The following WDR70 variants were observed in gnomAD, a reference collection of about 807,000 sequenced individuals.
WDR70 encodes WD repeat domain 70, also known as WD repeat-containing protein 70.
Under a neutral mutation model 88.6 loss-of-function variants are expected in WDR70, and 53 were observed. The ratio of observed to expected loss-of-function variants is 0.60; its 90% confidence interval spans 0.48 to 0.75. The LOEUF (loss-of-function observed/expected upper bound fraction) is 0.75, where lower values mean the gene tolerates loss of function less well. Ranked by LOEUF, WDR70 falls within the 30% of genes least tolerant of loss-of-function variation. The pLI is 0.00. For missense variants in WDR70, 610 were observed against 823.2 expected, an observed-to-expected ratio of 0.74 and a Z score of 3.17; for synonymous variants, 280 against 270.0, an observed-to-expected ratio of 1.04 and a Z score of -0.36.
intron 10 of WDR70, among the ~76,000 whole-genome samples, chr5:37,639,438 CT>C (rs919492980): frequency 6.6e-6 from 1 of 152,210 alleles, no homozygotes; most frequent in Non-Finnish European, 1.5e-5. Flanking sequence ...TCTCTAAATA[CT>C]TTTCCTGTCT....
At chr5:37,665,806 C>G (rs1373338227) in intron 10 of WDR70, among the ~76,000 whole-genome samples, 1 of 152,206 alleles carries the variant, frequency 6.6e-6, no homozygotes, top group African/African-American at 2.4e-5. Flanking sequence ...ATTGTACTCC[C>G]TTTGGAAGCT....
intron 13 of WDR70, among the ~76,000 whole-genome samples, chr5:37,707,194 G>C (rs917224065): frequency 1.3e-5 from 2 of 152,106 alleles, no homozygotes; most frequent in Non-Finnish European, 2.9e-5. Flanking sequence ...AAGGGACATG[G>C]TTTATGCAAT....
At chr5:37,736,550 G>T (rs1195804582) in intron 17 of WDR70, among the ~76,000 whole-genome samples, 2 of 151,286 alleles carry the variant, frequency 1.3e-5, no homozygotes, top group Non-Finnish European at 2.9e-5. Context: ...CTGTATTCCT[G>T]TGTAGAAGCC....
At chr5:37,615,055 A>C (rs1165048491) in intron 10 of WDR70, among the ~76,000 whole-genome samples, 1 of 152,090 alleles carries the variant, frequency 6.6e-6, no homozygotes, top group Non-Finnish European at 1.5e-5. Context: ...CAAAATAAAT[A>C]TGTGATTGAG....
intron 4 of WDR70, among the ~76,000 whole-genome samples, chr5:37,394,251 T>G (rs1748938923): frequency 7.0e-6 from 1 of 142,044 alleles, no homozygotes; most frequent in South Asian, 2.2e-4. Context: ...TGAGCGAAGA[T>G]CATGCCCTGG....
chr5:37,521,660 C>T (rs551550136), intron 9 of WDR70, among the ~76,000 whole-genome samples: 57 of 151,298 alleles, frequency 3.8e-4, no homozygotes, highest in African/African-American at 1.3e-3. Flanking sequence ...GCTATGAATG[C>T]AATTATTTTG....
At chr5:37,617,645 T>G (rs1744381939) in intron 10 of WDR70, among the ~76,000 whole-genome samples, 1 of 152,202 alleles carries the variant, frequency 6.6e-6, no homozygotes, top group African/African-American at 2.4e-5. Flanking sequence ...GAGAATTTTT[T>G]CTTCCTTACC....
At chr5:37,751,152 T>A (rs1231831801) in intron 17 of WDR70, among the ~76,000 whole-genome samples, 1 of 152,228 alleles carries the variant, frequency 6.6e-6, no homozygotes, top group African/African-American at 2.4e-5. Context: ...GGTTTATCCA[T>A]ACCTAACTGG....
At chr5:37,476,807 C>A (rs1739500861) in intron 7 of WDR70, among the ~76,000 whole-genome samples, 1 of 152,172 alleles carries the variant, frequency 6.6e-6, no homozygotes, top group Non-Finnish European at 1.5e-5. Context: ...CTTGGCCTCC[C>A]AAACTGTGGC....
In WDR70 at chr5:37,528,908, G is replaced by GTTTTTTTTTTTTTTTT. The variant is rs1228946391; in HGVS notation, c.917+12333_917+12334insTTTTTTTTTTTTTTTT. 1.5e-5 allele frequency among the ~76,000 whole-genome samples: 2 copies of GTTTTTTTTTTTTTTTT among 137,568 alleles called. 1 individual carries two copies. The highest frequency in any genetic ancestry group is 1.4e-4 in the Admixed American group (2 of 13,872). 90.2% of individuals were successfully genotyped at this position (137,568 alleles called of 152,430 possible). On this transcript the variant is annotated intron_variant, in intron 9 of 17. Transcript: ENST00000265107. ...TTGCCTAAGCCAATGTCTAGAGGGG[G>GTTTTTTTTTTTTTTTT]TTTTTTTTTTTTTTTGATGTTATCT...
intron 10 of WDR70, among the ~76,000 whole-genome samples, chr5:37,680,408 T>A (rs1421246388): frequency 6.6e-6 from 1 of 152,202 alleles, no homozygotes; most frequent in East Asian, 1.9e-4. Context: ...TTTAATTAGA[T>A]CCCATTTGTC....
intron 13 of WDR70, among the ~76,000 whole-genome samples, chr5:37,718,553 C>T (rs1260234024): frequency 6.6e-6 from 1 of 152,208 alleles, no homozygotes; most frequent in African/African-American, 2.4e-5. Context: ...AAGCCTTTGA[C>T]AGCCGCTTTC....
intron 9 of WDR70, among the ~76,000 whole-genome samples, chr5:37,559,544 G>A (rs576751593): frequency 6.6e-6 from 1 of 152,234 alleles, no homozygotes; most frequent in South Asian, 2.1e-4. Context: ...TTAGTCAGTA[G>A]GAGTATAAAG....
chr5:37,511,424 A>G (rs1183473228), intron 8 of WDR70, among the ~76,000 whole-genome samples: 1 of 150,398 alleles, frequency 6.6e-6, no homozygotes, highest in East Asian at 1.9e-4. Flanking sequence ...TGTCTCCATC[A>G]TCTTTGTAGT....
rs767900939 is a variant in WDR70 at position 37,379,520 on chromosome 5, G to A, written c.57G>A (p.Pro19=). The change falls in exon 2 of 18, where the codon CCG becomes CCA. Residue 19 remains proline (P), a synonymous_variant. Transcript: ENST00000265107. ...VTGSDASGPD[P]QLAVTMGFTG... ...GCTCAGACGCGTCGGGACCGGACCC[G>A]CAGCTTGCGGTCACCATGGGCTTCA... The A allele has an allele frequency of 3.1e-6, 5 of 1,614,020 alleles. No individual in the cohort carries two copies. The highest frequency in any genetic ancestry group is 4.2e-6 in the Non-Finnish European group (5 of 1,179,882).
chr5:37,539,925 G>A (rs75349339), intron 9 of WDR70, among the ~76,000 whole-genome samples: 25,297 of 152,094 alleles, frequency 0.17, 2,217 homozygotes, highest in South Asian at 0.27. Flanking sequence ...TAAATGGAAG[G>A]CAGATTCACC....
chr5:37,387,727 G>A (rs1581241436), intron 3 of WDR70, among the ~76,000 whole-genome samples: 1 of 151,338 alleles, frequency 6.6e-6, no homozygotes, highest in Non-Finnish European at 1.5e-5. Flanking sequence ...GTGATTCCCT[G>A]TGAGCTGTCC....
At chr5:37,707,641 A>G (rs1036539558) in intron 13 of WDR70, among the ~76,000 whole-genome samples, 2 of 151,974 alleles carry the variant, frequency 1.3e-5, no homozygotes, top group African/African-American at 2.4e-5. Context: ...AAGGCCTGGC[A>G]TGGCGGCTTA....
chr5:37,411,393 T>A lies in WDR70; in HGVS notation c.492+14823T>A, dbSNP rs575610587. 1.7e-4 allele frequency among the ~76,000 whole-genome samples: 26 copies of A among 152,298 alleles called. No individual in the cohort carries two copies. The South Asian group carries it at 5.2e-3, about 30-fold the overall frequency. The stretch of plus-strand genomic sequence containing the variant: ...AGAACATTTCTGTCATCTCTATAGT[T>A]CCTTGTGCCCCTCCTAGTTACAATA... On this transcript the variant is annotated intron_variant, in intron 5 of 17. Transcript: ENST00000265107.
Sources: allele counts gnomAD v4.1 joint callset (sites outside exome capture counted in the v4.1 genomes callset), GRCh38; gene constraint gnomAD v4.1.1; transcripts MANE v1.5; gene names NCBI Gene and HGNC (gene_info 2026-07-23, HGNC 2026-07-21).